The following PHLDB1 variants were observed in gnomAD, a reference collection of about 807,000 sequenced individuals.
PHLDB1 encodes pleckstrin homology like domain family B member 1.
A neutral mutation model predicts 139.3 loss-of-function variants in PHLDB1; 65 were observed. The observed-to-expected ratio is 0.47, with a 90% CI of 0.38 to 0.57. PHLDB1 has a LOEUF of 0.57. Among genes scored for constraint, PHLDB1 ranks in the 20% least tolerant of loss-of-function variants. The pLI is 0.00. For missense variants in PHLDB1, 1,624 were observed against 1,839.7 expected (o/e 0.88, Z 2.14); for synonymous variants, 679 against 734.5 (o/e 0.92, Z 1.22).
In PHLDB1 at chr11:118,656,753, C is replaced by T; in HGVS notation, c.4064C>T (p.Ala1355Val). Residue 1355 changes from alanine (A) to valine (V), a missense_variant, in exon 23 of 23, where the codon GCA becomes GTA. Coordinates refer to ENST00000600882, the MANE Select transcript of PHLDB1 (RefSeq NM_001144758.3). ...DRLYYMVAPS[A>V]EAMRIWMDVI... ...CTGTACTACATGGTGGCCCCATCTG[C>T]AGAGGCCATGCGTATCTGGATGGAT... 6.2e-7 allele frequency: 1 copy of T among 1,613,290 alleles called. No individual in the cohort carries two copies. The highest frequency in any genetic ancestry group is 8.5e-7 in the Non-Finnish European group (1 of 1,179,208).
chr11:118,615,938 G>A (rs1555088787), intron 3 of PHLDB1, 103 bp from the exon 4 acceptor site: 1 of 949,678 alleles, frequency 1.1e-6, no homozygotes, highest in East Asian at 2.4e-5. Context: ...GATTCTCCCT[G>A]GAGTAGGAGG....
chr11:118,628,789 T>C (rs1310197808), intron 6 of PHLDB1, 139 bp downstream of exon 6: 5 of 681,016 alleles, frequency 7.3e-6, no homozygotes, highest in Admixed American at 3.3e-5. Context: ...GGATACACTT[T>C]AGTGATCAAT....
chr11:118,642,143 C>A (rs1249704848), intron 12 of PHLDB1, 111 bp from the exon 13 acceptor site: 2 of 1,031,038 alleles, frequency 1.9e-6, no homozygotes, highest in Admixed American at 3.5e-5. Context: ...CCTTCTTCCT[C>A]TTCTTTCTTC....
chr11:118,627,910 C>T lies in PHLDB1; in HGVS notation c.1087C>T (p.Leu363=). The T allele has an allele frequency of 6.2e-7, 1 of 1,611,972 alleles. No homozygotes were observed. The highest frequency in any genetic ancestry group is 8.5e-7 in the Non-Finnish European group (1 of 1,180,010). Residue 363 remains leucine (L), a synonymous_variant, in exon 6 of 23, where the codon CTG becomes TTG. Transcript: ENST00000600882. ...GGQLPVVAIS[L]SEYPASGALS... is the part of the protein sequence containing the mutation. The stretch of plus-strand genomic sequence containing the variant: ...GCAGCTGCCTGTGGTGGCCATCAGC[C>T]TGAGTGAATACCCAGCTTCTGGTGC...
Position 118,635,385 on chromosome 11 carries a change from C to G in PHLDB1, c.2380-8C>G. ...ACCACCCAACCCCCTTTGTCACTGT[C>G]GTTGAAGGAGGCAGAGGCCCTGGAG... On this transcript the variant is annotated splice_polypyrimidine_tract_variant and splice_region_variant and intron_variant, in intron 9 of 22. Transcript: ENST00000600882. 2 of 1,571,756 alleles carry G rather than the reference C, an allele frequency of 1.3e-6. No individual in the cohort carries two copies. The highest frequency in any genetic ancestry group is 1.7e-6 in the Non-Finnish European group (2 of 1,161,224).
In PHLDB1 at chr11:118,638,899, G is replaced by A. The variant is rs1946070985; in HGVS notation, c.2544G>A (p.Leu848=). 2 of 1,610,438 alleles carry A rather than the reference G, an allele frequency of 1.2e-6. No homozygotes were observed. The highest frequency in any genetic ancestry group is 4.5e-5 in the East Asian group (2 of 44,774). Residue 848 remains leucine (L), a synonymous_variant, in exon 11 of 23, where the codon CTG becomes CTA. Transcript: ENST00000600882. ...LRSIAKRKER[L]AILDSQAGQI... is the part of the protein sequence containing the mutation. ...CACCCCATCTCCTTTAGGAGCGCCT[G>A]GCCATCCTGGACAGTCAGGCTGGGC... is the stretch of plus-strand genomic sequence containing the variant.
At chr11:118,642,944 A>C (rs191926234) in intron 13 of PHLDB1, among the ~76,000 whole-genome samples, 1 of 152,330 alleles carries the variant, frequency 6.6e-6, no homozygotes, top group Admixed American at 6.5e-5. Context: ...TGCAGCAAGC[A>C]ACTGACCATG....
At chr11:118,607,360 GTGGTGGTGGTGGTGGTGGTGGTGGTGA>G, upstream of PHLDB1, among the ~76,000 whole-genome samples, 1 of 59,108 alleles carries the variant, frequency 1.7e-5, no homozygotes, top group African/African-American at 8.8e-5. Flanking sequence ...GGTGGTGGTG[GTGGTGGTGGTGGTGGTGGTGGTGGTGA>G]TGGTGGAGAG....
At chr11:118,649,932 A>G in intron 18 of PHLDB1, 145 bp from the exon 19 acceptor site, 2 of 686,912 alleles carry the variant, frequency 2.9e-6, no homozygotes, top group Middle Eastern at 2.6e-4. Context: ...CTTTTGCCAT[A>G]AGCCCTGTGG....
intron 4 of PHLDB1, 154 bp from the exon 5 acceptor site, chr11:118,624,780 T>C (rs1943557126): frequency 1.5e-6 from 1 of 657,208 alleles, no homozygotes; most frequent in Admixed American, 2.6e-5. Context: ...CGGCTAATTT[T>C]TGTATTTTTA....
chr11:118,654,023 C>T (rs1254182101), intron 20 of PHLDB1: 2 of 152,314 alleles, frequency 1.3e-5, no homozygotes, highest in Admixed American at 1.3e-4. Flanking sequence ...TGATACAAGG[C>T]TGGAGGGACA....
chr11:118,650,694 A>G lies in PHLDB1; in HGVS notation c.3874+147A>G. 1.6e-6 allele frequency: 1 copy of G among 621,368 alleles called. No individual in the cohort carries two copies. Among genetic ancestry groups the G allele is most frequent in the Non-Finnish European group, 2.9e-6 (1 of 346,900 alleles). 38.5% of individuals were successfully genotyped at this position (621,368 alleles called of 1,614,324 possible). ...CTTTGCCCTCCTTCCCTGAAAATGT[A>G]CACAATGTACCTGGTTCACCTCCAT... On this transcript the variant is annotated intron_variant, in intron 20 of 22. Coordinates refer to ENST00000600882, the MANE Select transcript of PHLDB1 (RefSeq NM_001144758.3). The surrounding 1 kb of genome is among the most constrained non-coding windows in gnomAD (Gnocchi z 4.7).
intron 4 of PHLDB1, among the ~76,000 whole-genome samples, chr11:118,618,509 G>A (rs538426198): frequency 2.7e-4 from 41 of 152,244 alleles, no homozygotes; most frequent in Admixed American, 1.3e-3. Context: ...AGCTCCGGAT[G>A]TGTTTGTGAC....
chr11:118,623,315 G>T (rs1176724126), intron 4 of PHLDB1, among the ~76,000 whole-genome samples: 1 of 152,216 alleles, frequency 6.6e-6, no homozygotes, highest in African/African-American at 2.4e-5. Context: ...TCCCAACATA[G>T]TATCTTCTGC....
At chr11:118,628,749 G>T in intron 6 of PHLDB1, 99 bp downstream of exon 6, 1 of 1,195,360 alleles carries the variant, frequency 8.4e-7, no homozygotes, top group Non-Finnish European at 1.2e-6. Flanking sequence ...CTCAAACAGG[G>T]CTTCGGCTTC....
intron 4 of PHLDB1, 119 bp from the exon 5 acceptor site, chr11:118,624,815 G>T: frequency 1.0e-6 from 1 of 971,626 alleles, no homozygotes. Context: ...TCACCACATT[G>T]GCCAGGCTGG....
intron 4 of PHLDB1, among the ~76,000 whole-genome samples, chr11:118,617,571 T>G (rs1555090795): frequency 6.6e-6 from 1 of 151,942 alleles, no homozygotes; most frequent in East Asian, 1.9e-4. Context: ...GCTCAAGCGA[T>G]TCTCCTGCCT....
chr11:118,628,187 GAGAACT>G lies in PHLDB1; in HGVS notation c.1366_1371del (p.Glu456_Leu457del), dbSNP rs1200561640. 2 of 1,613,942 alleles carry G rather than the reference GAGAACT, an allele frequency of 1.2e-6. No homozygotes were observed. Among genetic ancestry groups the G allele is most frequent in the Non-Finnish European group, 1.7e-6 (2 of 1,180,004 alleles). On this transcript the variant is annotated inframe_deletion, in exon 6 of 23. Transcript: ENST00000600882. ...GGCCGGCGGGGCCTGGACAGTATGC[GAGAACT>G]ACCCCCCTTAAGTCCATCTCTGTCC...
rs1175581097 is a variant in PHLDB1 at position 118,620,036 on chromosome 11, G to C, written c.355+3825G>C. Among the ~76,000 whole-genome samples the C allele has an allele frequency of 6.6e-6, 1 of 152,238 alleles. No homozygotes were observed. The highest frequency in any genetic ancestry group is 1.5e-5 in the Non-Finnish European group (1 of 68,042). On this transcript the variant is annotated intron_variant, in intron 4 of 22. Coordinates refer to ENST00000600882, the MANE Select transcript of PHLDB1 (RefSeq NM_001144758.3). The surrounding 1 kb of genome is among the most constrained non-coding windows in gnomAD (Gnocchi z 4.1). ...AGCATGCAGAGATGAAGTAGTGTCA[G>C]TGTGACTGAGCAAGTGTTGGTGTGT...
Sources: allele counts gnomAD v4.1 joint callset (sites outside exome capture counted in the v4.1 genomes callset), GRCh38; gene constraint gnomAD v4.1.1; non-coding constraint Gnocchi (gnomAD v3.1); transcripts MANE v1.5; gene names NCBI Gene and HGNC (gene_info 2026-07-23, HGNC 2026-07-21).